CNGB1: variants seen among roughly 807,000 people sequenced by gnomAD.
CNGB1 encodes cyclic nucleotide gated channel subunit beta 1.
Under a neutral mutation model 151.7 loss-of-function variants are expected in CNGB1, and 126 were observed. The observed-to-expected ratio is 0.83, with a 90% confidence interval of 0.72 to 0.96. The LOEUF is 0.96. Ranked by LOEUF, CNGB1 falls within the 40% of genes least tolerant of loss-of-function variation. The probability of loss-of-function intolerance (pLI) is 0.00; values close to 1 mark genes in which losing one functional copy is unlikely to be tolerated. For missense variants in CNGB1, 1,698 were observed against 1,627.0 expected, an observed-to-expected ratio of 1.04 and a Z score of -0.75; for synonymous variants, 623 against 635.1, an observed-to-expected ratio of 0.98 and a Z score of 0.29.
At position 57,960,054 on chromosome 16, in the gene CNGB1, G is replaced by A. The variant is rs199583058; in HGVS notation, c.595C>T (p.Arg199Cys). The change falls in exon 10 of 33, where the codon CGC (arginine) becomes TGC (cysteine). Residue 199 changes from arginine to cysteine, a missense_variant. Coordinates refer to ENST00000251102, the MANE Select transcript of CNGB1 (RefSeq NM_001297.5). ...GAASDPAPPG[R>C]PQEMGPKLQA... ...AGCTTGGGCCCCATTTCCTGGGGGC[G>A]TCCTGGAGGCGCTAAGCAGCGGGGA... The A allele has an allele frequency of 2.4e-4, 368 of 1,556,376 alleles. 1 individual carries two copies. The highest frequency in any genetic ancestry group is 1.9e-3 in the African/African-American group (140 of 74,080).
intron 16 of CNGB1, among the ~76,000 whole-genome samples, chr16:57,932,400 CTT>C (rs36048770): frequency 0.17 from 20,730 of 123,522 alleles, 1,105 homozygotes; most frequent in South Asian, 0.25. Flanking sequence ...CTTAAAGATT[CTT>C]TTTTTTTTTT....
intron 3 of CNGB1, 51 bp downstream of exon 3, chr16:57,964,436 G>A: frequency 6.2e-7 from 1 of 1,606,444 alleles, no homozygotes; most frequent in Non-Finnish European, 8.5e-7. Flanking sequence ...TCCGAGGGGA[G>A]AATGCGGGCC....
chr16:57,939,318 G>A lies in CNGB1; in HGVS notation c.1372+112C>T, dbSNP rs1048861040. The A allele has an allele frequency of 4.1e-6, 6 of 1,477,464 alleles. No individual in the cohort carries two copies. In the African/African-American group the frequency reaches 5.5e-5, roughly 14 times the overall value. 91.5% of individuals were successfully genotyped at this position (1,477,464 alleles called of 1,614,324 possible). A position where few individuals can be genotyped will look rare whatever the true frequency, so the allele number is the denominator to read the frequency against. ...CAGGGTGGCTGAGGGGGCAATGGGGGGAAGGAGATGGAGGGAGAGGAGGAG... is the reference window on the plus strand; with the variant it reads ...CAGGGTGGCTGAGGGGGCAATGGGGAGAAGGAGATGGAGGGAGAGGAGGAG... On this transcript the variant is annotated intron_variant, in intron 16 of 32. Coordinates refer to ENST00000251102, the MANE Select transcript of CNGB1 (RefSeq NM_001297.5).
chr16:57,947,139 G>T (rs1389664839), intron 14 of CNGB1, among the ~76,000 whole-genome samples: 1 of 152,140 alleles, frequency 6.6e-6, no homozygotes, highest in Non-Finnish European at 1.5e-5. Context: ...TGGTGTGCTG[G>T]TGCATATGGG....
intron 4 of CNGB1, 73 bp from the exon 5 acceptor site, chr16:57,963,137 T>G: frequency 9.2e-7 from 1 of 1,089,842 alleles, no homozygotes; most frequent in Non-Finnish European, 1.4e-6. Flanking sequence ...CCCAAGACAC[T>G]AGGTGAGTCT....
intron 14 of CNGB1, among the ~76,000 whole-genome samples, chr16:57,942,873 A>C (rs1161028621): frequency 1.3e-5 from 2 of 151,990 alleles, no homozygotes; most frequent in Admixed American, 1.3e-4. Flanking sequence ...AAAAAAAAAA[A>C]AAAACCCTAC....
intron 21 of CNGB1, 147 bp from the exon 22 acceptor site, chr16:57,916,326 T>C: frequency 1.2e-6 from 1 of 810,230 alleles, no homozygotes; most frequent in East Asian, 2.6e-5. Flanking sequence ...AAGCCTTGAG[T>C]TTTATGGGTG....
chr16:57,926,407 C>T (rs1429755121), intron 17 of CNGB1, among the ~76,000 whole-genome samples: 1 of 152,188 alleles, frequency 6.6e-6, no homozygotes, highest in Non-Finnish European at 1.5e-5. Flanking sequence ...GCGCTCTTCC[C>T]CAGCCTCATC....
At chr16:57,951,796 T>G (rs1375529173) in intron 12 of CNGB1, among the ~76,000 whole-genome samples, 3 of 152,214 alleles carry the variant, frequency 2.0e-5, no homozygotes, top group African/African-American at 4.8e-5. Context: ...GAGACACAGA[T>G]AAATACCTTC....
chr16:57,897,640 C>T (rs1960270612), intron 30 of CNGB1, 97 bp from the exon 31 acceptor site: 2 of 1,588,846 alleles, frequency 1.3e-6, no homozygotes, highest in Admixed American at 3.3e-5. Context: ...GTGGTGGCCC[C>T]ACACAGATGA....
At position 57,920,530 on chromosome 16, in the gene CNGB1, G is replaced by T. The variant is rs374424738; in HGVS notation, c.1658C>A (p.Ala553Glu). ...GCTATTTGTGCTGGCCGTGGAGGCC[G>T]CACGGTCCTGGCCACTGTGGGAACA... ...TPKDTDGQDRAASTASTNSAI... is the reference protein window; with the variant it reads ...TPKDTDGQDREASTASTNSAI... The change falls in exon 19 of 33, where the codon GCG becomes GAG. Residue 553 changes from alanine to glutamate, a missense_variant. Ala to Glu is a moderately radical substitution (Grantham distance 107, BLOSUM62 -1). Transcript: ENST00000251102. 9.9e-6 allele frequency: 16 copies of T among 1,612,824 alleles called. No individual in the cohort carries two copies. The highest frequency in any genetic ancestry group is 5.1e-6 in the Non-Finnish European group (6 of 1,180,008).
At chr16:57,955,214 G>T in intron 12 of CNGB1, 1 of 1,533,728 alleles carries the variant, frequency 6.5e-7, no homozygotes, top group Non-Finnish European at 8.7e-7. Context: ...GAGAGGGAGG[G>T]GTTCGCTGTT....
chr16:57,901,227 C>T (rs547656159), intron 29 of CNGB1, 125 bp downstream of exon 29: 35 of 952,248 alleles, frequency 3.7e-5, no homozygotes, highest in East Asian at 7.2e-5. Flanking sequence ...AAGCCGCAGA[C>T]GCTCTTCTCC....
chr16:57,966,156 C>T (rs979960391), intron 2 of CNGB1, among the ~76,000 whole-genome samples: 2 of 152,196 alleles, frequency 1.3e-5, no homozygotes, highest in Admixed American at 6.5e-5. Context: ...GACTCTCCCT[C>T]TTCTGAGCTC....
intron 12 of CNGB1, among the ~76,000 whole-genome samples, chr16:57,953,420 G>A (rs758515492): frequency 3.3e-5 from 5 of 149,268 alleles, no homozygotes; most frequent in African/African-American, 7.4e-5. Flanking sequence ...GCTTGAACCC[G>A]GGAGGTAGAG....
chr16:57,917,487 G>A lies in CNGB1; in HGVS notation c.1958-11C>T. ...GGACATACATCAGGTCTGTGGGGAA[G>A]GTTGACGGGGACGCTAGAGCATCAG... is the stretch of plus-strand genomic sequence containing the variant. On this transcript the variant is annotated splice_polypyrimidine_tract_variant and intron_variant, in intron 20 of 32. Coordinates refer to ENST00000251102, the MANE Select transcript of CNGB1 (RefSeq NM_001297.5). 6.2e-6 allele frequency: 10 copies of A among 1,613,654 alleles called. No individual in the cohort carries two copies. The highest frequency in any genetic ancestry group is 2.2e-5 in the East Asian group (1 of 44,876).
Position 57,928,151 on chromosome 16 carries a change from C to T in CNGB1, c.1535+3565G>A, listed in dbSNP as rs1961243791. ...GCACTGTCCTGCCCTTGGCAGTTTGCCTCCAGCTGTACACACAGCCTTCTC... is the reference window on the plus strand; with the variant it reads ...GCACTGTCCTGCCCTTGGCAGTTTGTCTCCAGCTGTACACACAGCCTTCTC... On this transcript the variant is annotated intron_variant, in intron 17 of 32. Coordinates refer to ENST00000251102, the MANE Select transcript of CNGB1 (RefSeq NM_001297.5). Among the ~76,000 whole-genome samples the T allele has an allele frequency of 2.6e-5, 4 of 152,238 alleles. No individual in the cohort carries two copies. In the South Asian group the frequency reaches 8.3e-4, roughly 32 times the overall value.
At chr16:57,941,148 A>C (rs759952139) in intron 14 of CNGB1, among the ~76,000 whole-genome samples, 3 of 152,200 alleles carry the variant, frequency 2.0e-5, no homozygotes, top group Non-Finnish European at 4.4e-5. Context: ...TAGTAGCCAA[A>C]AGAGCCCATC....
At chr16:57,970,794 C>T (rs545105844) in intron 1 of CNGB1, among the ~76,000 whole-genome samples, 1 of 152,142 alleles carries the variant, frequency 6.6e-6, no homozygotes, top group Non-Finnish European at 1.5e-5. Context: ...CATGGTGTTG[C>T]ACCACCAGCA....
Sources: allele counts gnomAD v4.1 joint callset (sites outside exome capture counted in the v4.1 genomes callset), GRCh38; gene constraint gnomAD v4.1.1; transcripts MANE v1.5; gene names NCBI Gene and HGNC (gene_info 2026-07-23, HGNC 2026-07-21).